Variants in KLHL1 observed in about 807,000 individuals in gnomAD.
KLHL1 encodes the protein kelch like family member 1.
KLHL1 carries 47 observed loss-of-function variants against 77.7 expected under a neutral mutation model. The observed-to-expected ratio is 0.60, with a 90% CI of 0.48 to 0.77. The LOEUF (loss-of-function observed/expected upper bound fraction) is 0.77, where lower values mean the gene tolerates loss of function less well. Among genes scored for constraint, KLHL1 ranks in the 30% least tolerant of loss-of-function variants. The probability of loss-of-function intolerance (pLI) is 0.00; values close to 1 mark genes in which losing one functional copy is unlikely to be tolerated. For missense variants in KLHL1, 925 were observed against 910.8 expected (o/e 1.02, Z -0.20); for synonymous variants, 360 against 325.2 (o/e 1.11, Z -1.15).
intron 10 of KLHL1, among the ~76,000 whole-genome samples, chr13:69,705,851 A>C (rs1288930374): frequency 6.6e-6 from 1 of 151,818 alleles, no homozygotes; most frequent in South Asian, 2.1e-4. Context: ...CCTACTACAT[A>C]TATTGTTTTG....
At chr13:70,090,380 A>G (rs1389472360) in intron 1 of KLHL1, among the ~76,000 whole-genome samples, 2 of 151,986 alleles carry the variant, frequency 1.3e-5, no homozygotes, top group East Asian at 1.9e-4. Flanking sequence ...AGACTGGGGG[A>G]AAAAGACACT....
At chr13:69,782,634 A>C (rs1428740661) in intron 7 of KLHL1, among the ~76,000 whole-genome samples, 1 of 152,190 alleles carries the variant, frequency 6.6e-6, no homozygotes, top group Non-Finnish European at 1.5e-5. Context: ...GCCATTGCCC[A>C]AGTTTGATTA....
intron 1 of KLHL1, among the ~76,000 whole-genome samples, chr13:70,106,322 C>T (rs1239849384): frequency 1.3e-5 from 2 of 152,038 alleles, no homozygotes; most frequent in Non-Finnish European, 2.9e-5. Flanking sequence ...AAATGCAAAT[C>T]ATTTCATATC....
In KLHL1 at chr13:69,929,674, A is replaced by T. The variant is rs759803723; in HGVS notation, c.1014+10366T>A. 6.1e-4 allele frequency among the ~76,000 whole-genome samples: 93 copies of T among 152,008 alleles called. 1 individual carries two copies. In the Middle Eastern group the frequency reaches 0.017, roughly 28 times the overall value. ...TAGTATTTTATTAATTAAATTTTAG[A>T]TCAATATTTAATGCTAAGAATATAT... On this transcript the variant is annotated intron_variant, in intron 4 of 10. Coordinates refer to ENST00000377844, the MANE Select transcript of KLHL1 (RefSeq NM_020866.3).
chr13:69,802,439 T>A (rs985846580), intron 6 of KLHL1, among the ~76,000 whole-genome samples: 1 of 151,922 alleles, frequency 6.6e-6, no homozygotes, highest in African/African-American at 2.4e-5. Flanking sequence ...GAGGAGACCA[T>A]CCCTCATATT....
intron 1 of KLHL1, among the ~76,000 whole-genome samples, chr13:70,066,037 G>A (rs1013505279): frequency 1.3e-5 from 2 of 152,150 alleles, no homozygotes; most frequent in Non-Finnish European, 2.9e-5. Context: ...AATTTGCTCA[G>A]ACAAAAATGT....
At chr13:69,909,770 A>G (rs541401960) in intron 4 of KLHL1, among the ~76,000 whole-genome samples, 15 of 152,120 alleles carry the variant, frequency 9.9e-5, no homozygotes, top group Non-Finnish European at 1.8e-4. Flanking sequence ...TAAATAGAAA[A>G]TCTAGTAAAA....
chr13:69,813,528 G>C (rs1877990629), intron 6 of KLHL1, among the ~76,000 whole-genome samples: 1 of 148,730 alleles, frequency 6.7e-6, no homozygotes, highest in African/African-American at 2.5e-5. Flanking sequence ...AAAGACCCTA[G>C]ACTTGATAAA....
intron 1 of KLHL1, among the ~76,000 whole-genome samples, chr13:70,095,369 CT>C (rs1273809383): frequency 6.6e-6 from 1 of 152,018 alleles, no homozygotes; most frequent in African/African-American, 2.4e-5. Context: ...ATTGTGGAAC[CT>C]ATTGGAAAAT....
chr13:70,046,417 T>C (rs1409777351), intron 1 of KLHL1, among the ~76,000 whole-genome samples: 3 of 152,082 alleles, frequency 2.0e-5, no homozygotes, highest in Admixed American at 2.0e-4. Flanking sequence ...AGGTGCAGAG[T>C]GACAGATTCT....
At chr13:70,039,056 ATTTTTTTTT>A (rs35184766) in intron 1 of KLHL1, among the ~76,000 whole-genome samples, 14 of 124,690 alleles carry the variant, frequency 1.1e-4, no homozygotes, top group African/African-American at 4.3e-4. Flanking sequence ...TCCTTTGCAC[ATTTTTTTTT>A]TTTTTTTTTT....
intron 5 of KLHL1, among the ~76,000 whole-genome samples, chr13:69,844,896 A>T (rs1252187273): frequency 6.6e-6 from 1 of 151,644 alleles, no homozygotes; most frequent in East Asian, 1.9e-4. Flanking sequence ...CTGGTACAGG[A>T]CATGCTTCTT....
chr13:69,714,927 T>C (rs7325061), intron 9 of KLHL1, among the ~76,000 whole-genome samples: 1 of 151,836 alleles, frequency 6.6e-6, no homozygotes, highest in African/African-American at 2.4e-5. Context: ...TAATGCTTGT[T>C]TCATTTATTC....
At chr13:69,925,514 G>A (rs977626776) in intron 4 of KLHL1, among the ~76,000 whole-genome samples, 17 of 152,192 alleles carry the variant, frequency 1.1e-4, no homozygotes, top group East Asian at 7.7e-4. Context: ...ACACATATAT[G>A]ACAGTATCAC....
chr13:69,932,882 G>A (rs966443842), intron 4 of KLHL1, among the ~76,000 whole-genome samples: 4 of 151,922 alleles, frequency 2.6e-5, no homozygotes, highest in African/African-American at 9.7e-5. Context: ...TTTACATAAT[G>A]GGTAGCAATT....
chr13:69,750,583 T>C (rs1874433619), intron 7 of KLHL1, among the ~76,000 whole-genome samples: 1 of 151,882 alleles, frequency 6.6e-6, no homozygotes, highest in Admixed American at 6.6e-5. Flanking sequence ...AAGCATATAA[T>C]ATACAATATA....
intron 1 of KLHL1, among the ~76,000 whole-genome samples, chr13:70,046,028 C>T (rs572448147): frequency 1.3e-5 from 2 of 152,246 alleles, no homozygotes; most frequent in South Asian, 4.1e-4. Flanking sequence ...TATCTACTCT[C>T]TTTCTCTAAA....
intron 3 of KLHL1, among the ~76,000 whole-genome samples, chr13:69,956,259 C>T (rs1391959005): frequency 6.7e-6 from 1 of 148,836 alleles, no homozygotes; most frequent in Non-Finnish European, 1.5e-5. Context: ...AATTTGAAGA[C>T]CCTTAAAGGT....
intron 1 of KLHL1, among the ~76,000 whole-genome samples, chr13:70,057,469 C>CAAAAAAAAA (rs56235725): frequency 8.0e-5 from 7 of 87,092 alleles, no homozygotes; most frequent in Admixed American, 2.6e-4. Context: ...AAAGACACAT[C>CAAAAAAAAA]AAAAAAAAAA....
Sources: allele counts gnomAD v4.1 joint callset (sites outside exome capture counted in the v4.1 genomes callset), GRCh38; gene constraint gnomAD v4.1.1; transcripts MANE v1.5; gene names NCBI Gene and HGNC (gene_info 2026-07-23, HGNC 2026-07-21).